PTBP3: variants seen among roughly 807,000 people sequenced by gnomAD.
The protein encoded by PTBP3 is polypyrimidine tract-binding protein 3.
In PTBP3, 20 loss-of-function variants were observed where a neutral mutation model predicts 58.7. The observed-to-expected ratio is 0.34, with a 90% confidence interval of 0.24 to 0.50. The LOEUF (loss-of-function observed/expected upper bound fraction) is 0.50. PTBP3 is among the 20% of genes least tolerant of loss of function. The pLI, the probability that PTBP3 is intolerant of heterozygous loss-of-function variation, is 0.98. For missense variants in PTBP3, 509 were observed against 637.2 expected, an observed-to-expected ratio of 0.80 and a Z score of 2.17; for synonymous variants, 185 against 219.8, an observed-to-expected ratio of 0.84 and a Z score of 1.40.
At chr9:112,227,650 T>C (rs1285151776) in intron 11 of PTBP3, 23 bp from the exon 12 acceptor site, 1 of 1,581,872 alleles carries the variant, frequency 6.3e-7, no homozygotes. Flanking sequence ...AAGAAAATTT[T>C]AAAGTTTGAG....
intron 1 of PTBP3, chr9:112,298,601 A>C (rs1379178910): frequency 1.2e-5 from 6 of 503,940 alleles, no homozygotes; most frequent in Admixed American, 1.0e-4. Flanking sequence ...GTTAAAACCA[A>C]CCTATTTTAA....
At chr9:112,328,190 G>C (rs2132478802) in intron 1 of PTBP3, among the ~76,000 whole-genome samples, 1 of 152,296 alleles carries the variant, frequency 6.6e-6, no homozygotes, top group Non-Finnish European at 1.5e-5. Flanking sequence ...TATTCAGATG[G>C]CATACAAGGG....
chr9:112,232,977 TTA>T (rs749308621), intron 8 of PTBP3, among the ~76,000 whole-genome samples: 44 of 152,182 alleles, frequency 2.9e-4, no homozygotes, highest in Non-Finnish European at 4.3e-4. Flanking sequence ...TAATGACTCT[TTA>T]AAATAAACAG....
chr9:112,340,276 A>G, the PTBP3 span, among the ~76,000 whole-genome samples: 4 of 152,226 alleles, frequency 2.6e-5, no homozygotes, highest in Admixed American at 2.6e-4. Context: ...TATTGTATTA[A>G]TACTAAATTT....
At chr9:112,294,466 CG>C (rs1395573262) in intron 2 of PTBP3, among the ~76,000 whole-genome samples, 1 of 152,092 alleles carries the variant, frequency 6.6e-6, no homozygotes, top group African/African-American at 2.4e-5. Flanking sequence ...TGCAGTGAGC[CG>C]TGTTTGTGCC....
Position 112,251,059 on chromosome 9 carries a change from G to A in PTBP3, c.672C>T (p.Arg224=), listed in dbSNP as rs1213805474. 6.2e-7 allele frequency: 1 copy of A among 1,611,858 alleles called. No homozygotes were observed. The highest frequency in any genetic ancestry group is 1.7e-5 in the Admixed American group (1 of 59,748). ...QNIYNACCTL[R]IDFSKLTSLN... ...GGCTGGTGAGCTTGGAGAAGTCAATGCGCAGAGTGCAGCATGCATTATAGA... is the reference window on the plus strand; with the variant it reads ...GGCTGGTGAGCTTGGAGAAGTCAATACGCAGAGTGCAGCATGCATTATAGA... The change falls in exon 7 of 14, where the codon CGC becomes CGT. Residue 224 remains arginine, a synonymous_variant. Transcript: ENST00000374257.
chr9:112,291,970 G>A lies in PTBP3; in HGVS notation c.34+5862C>T, dbSNP rs111227769. On this transcript the variant is annotated intron_variant, in intron 2 of 13. Transcript: ENST00000374257. Reference sequence around the variant, plus strand: ...AGAAATCATAAACTACATACGTGATGGGGGTTAATAATCAGAATACATAAA... The same window carrying A: ...AGAAATCATAAACTACATACGTGATAGGGGTTAATAATCAGAATACATAAA... Among the ~76,000 whole-genome samples, 3 of 4,546 alleles carry A rather than the reference G, an allele frequency of 6.6e-4. No individual in the cohort carries two copies. In the African/African-American group the frequency reaches 0.016, roughly 24 times the overall value. 3.0% of individuals were successfully genotyped at this position (4,546 alleles called of 152,430 possible).
At chr9:112,258,817 G>A (rs962615557) in intron 5 of PTBP3, among the ~76,000 whole-genome samples, 1 of 152,102 alleles carries the variant, frequency 6.6e-6, no homozygotes, top group African/African-American at 2.4e-5. Flanking sequence ...GCCAGTCTGG[G>A]TAACATAGCA....
In PTBP3 at chr9:112,290,697, TATATATATATACACACAC is replaced by T. The variant is rs1423969329; in HGVS notation, c.34+7117_34+7134del. ...TAAAAAAAAAAAAAAAATATATATATATATATATATACACACACACACACACACACACACACACACAAT... is the reference window on the plus strand; with the variant it reads ...TAAAAAAAAAAAAAAAATATATATATACACACACACACACACACACACAAT... On this transcript the variant is annotated intron_variant, in intron 2 of 13. Coordinates refer to ENST00000374257, the MANE Select transcript of PTBP3 (RefSeq NM_001163788.4). 2.7e-3 allele frequency among the ~76,000 whole-genome samples: 165 copies of T among 62,066 alleles called. 3 individuals carry two copies. In the South Asian group the frequency reaches 0.095, roughly 36 times the overall value. The allele number at this position is 62,066 out of a possible 152,430, so 40.7% of individuals were successfully genotyped here. A position where few individuals can be genotyped will look rare whatever the true frequency, so the allele number is the denominator to read the frequency against.
intron 1 of PTBP3, among the ~76,000 whole-genome samples, chr9:112,322,146 A>AAC (rs1411578020): frequency 1.2e-3 from 185 of 151,398 alleles, no homozygotes; most frequent in African/African-American, 4.4e-3. Context: ...AAAAAAAAAA[A>AAC]AAAAAAAAAA....
chr9:112,311,724 T>C (rs1536604), intron 1 of PTBP3, among the ~76,000 whole-genome samples: 127,844 of 152,126 alleles, frequency 0.84, 54,010 homozygotes, highest in African/African-American at 0.92. Context: ...TGAGGCAGGA[T>C]AGCTTAAGGC....
chr9:112,319,567 CAGTT>C (rs546270809), intron 1 of PTBP3, among the ~76,000 whole-genome samples: 77 of 152,234 alleles, frequency 5.1e-4, no homozygotes, highest in African/African-American at 1.8e-3. Context: ...CCCTTGTACA[CAGTT>C]GGTGGGAATG....
intron 1 of PTBP3, among the ~76,000 whole-genome samples, chr9:112,311,878 G>A (rs953846965): frequency 1.3e-5 from 2 of 152,086 alleles, no homozygotes; most frequent in Non-Finnish European, 2.9e-5. Flanking sequence ...AGCCCAGGAC[G>A]TTGGAGGCTG....
the PTBP3 span, among the ~76,000 whole-genome samples, chr9:112,366,526 C>A: frequency 6.6e-6 from 1 of 152,076 alleles, no homozygotes; most frequent in East Asian, 1.9e-4. Context: ...CCATGGCTTC[C>A]GAGGGTTCAA....
intron 7 of PTBP3, chr9:112,242,737 T>G (rs1444300003): frequency 6.6e-6 from 1 of 152,228 alleles, no homozygotes; most frequent in Non-Finnish European, 1.5e-5. Context: ...AACTTAAGTG[T>G]AGACATCTGA....
chr9:112,226,952 G>A (rs563320869), intron 12 of PTBP3, among the ~76,000 whole-genome samples: 1 of 152,288 alleles, frequency 6.6e-6, no homozygotes, highest in East Asian at 1.9e-4. Context: ...AGTGGCTACA[G>A]GAAAATAACG....
intron 6 of PTBP3, 109 bp downstream of exon 6, chr9:112,252,569 A>G (rs773553608): frequency 6.0e-5 from 46 of 771,268 alleles, no homozygotes; most frequent in Non-Finnish European, 9.4e-5. Context: ...AATGGTAAAC[A>G]TGTATATTTT....
chr9:112,332,638 C>G, intron 1 of PTBP3: 1 of 959,728 alleles, frequency 1.0e-6, no homozygotes, highest in Non-Finnish European at 1.4e-6. Flanking sequence ...CAAAATATGT[C>G]AAGTCCCACC....
intron 1 of PTBP3, among the ~76,000 whole-genome samples, chr9:112,323,144 G>T (rs1376274491): frequency 6.6e-6 from 1 of 152,188 alleles, no homozygotes; most frequent in East Asian, 1.9e-4. Context: ...CCTAGCTACT[G>T]AGGAGGCTCA....
Sources: allele counts gnomAD v4.1 joint callset (sites outside exome capture counted in the v4.1 genomes callset), GRCh38; gene constraint gnomAD v4.1.1; transcripts MANE v1.5; gene names NCBI Gene and HGNC (gene_info 2026-07-23, HGNC 2026-07-21).